The following NEK1 variants were observed in gnomAD, a reference collection of about 807,000 sequenced individuals.
NEK1 encodes NIMA related kinase 1, also known as serine/threonine-protein kinase Nek1.
In NEK1, 137 loss-of-function variants were observed where a neutral mutation model predicts 182.1. The observed-to-expected ratio is 0.75, with a 90% CI of 0.65 to 0.87. NEK1 has a LOEUF of 0.87. NEK1 is among the 40% of genes least tolerant of loss of function. NEK1 has a pLI of 0.00. For synonymous variants in NEK1, 513 were observed against 492.2 expected (o/e 1.04, Z -0.56); for missense variants, 1,391 against 1,494.4 (o/e 0.93, Z 1.14).
At chr4:169,500,195 G>T (rs181066691) in intron 23 of NEK1, among the ~76,000 whole-genome samples, 3 of 152,340 alleles carry the variant, frequency 2.0e-5, no homozygotes, top group Non-Finnish European at 4.4e-5. Flanking sequence ...AGGACCCTCT[G>T]AGCCAGGCGC....
At chr4:169,505,414 T>C (rs560627313) in intron 23 of NEK1, among the ~76,000 whole-genome samples, 105 of 152,346 alleles carry the variant, frequency 6.9e-4, no homozygotes, top group Non-Finnish European at 1.4e-3. Flanking sequence ...ATATATTTTC[T>C]CTTCCTTATG....
chr4:169,483,990 T>C (rs1018375951), intron 23 of NEK1, among the ~76,000 whole-genome samples: 1 of 152,266 alleles, frequency 6.6e-6, no homozygotes. Flanking sequence ...TTAATTACTA[T>C]AGTATATAAA....
chr4:169,465,564 T>C (rs535255784), intron 26 of NEK1, among the ~76,000 whole-genome samples: 64 of 152,190 alleles, frequency 4.2e-4, no homozygotes, highest in South Asian at 1.9e-3. Flanking sequence ...TATAAAGAAA[T>C]TTTAGAGAAA....
chr4:169,506,777 T>A, intron 23 of NEK1: 1 of 171,720 alleles, frequency 5.8e-6, no homozygotes, highest in Non-Finnish European at 1.2e-5. Context: ...TCTCAAAAAA[T>A]AATAATAATA....
chr4:169,560,683 G>C (rs1288476445), intron 16 of NEK1, among the ~76,000 whole-genome samples: 1 of 151,970 alleles, frequency 6.6e-6, no homozygotes, highest in East Asian at 1.9e-4. Flanking sequence ...ATGAATAAAA[G>C]AGGAAGTATA....
At chr4:169,531,734 T>C (rs1366056197) in intron 19 of NEK1, among the ~76,000 whole-genome samples, 1 of 152,148 alleles carries the variant, frequency 6.6e-6, no homozygotes, top group Non-Finnish European at 1.5e-5. Flanking sequence ...CTAGTTCAGT[T>C]ACACATAACG....
At chr4:169,488,698 A>T (rs1749500929) in intron 23 of NEK1, among the ~76,000 whole-genome samples, 1 of 152,190 alleles carries the variant, frequency 6.6e-6, no homozygotes, top group Non-Finnish European at 1.5e-5. Flanking sequence ...TTAATATTTT[A>T]GGGGGCTTAA....
At chr4:169,439,630 G>A (rs763626887) in intron 27 of NEK1, among the ~76,000 whole-genome samples, 2 of 152,100 alleles carry the variant, frequency 1.3e-5, no homozygotes, top group African/African-American at 4.8e-5. Flanking sequence ...GATTGCTTTA[G>A]TGGGTTCTAA....
At chr4:169,600,573 C>G (rs1258592052) in intron 4 of NEK1, among the ~76,000 whole-genome samples, 1 of 152,070 alleles carries the variant, frequency 6.6e-6, no homozygotes, top group Non-Finnish European at 1.5e-5. Flanking sequence ...TTTTGATCTA[C>G]TGTTTGTAAT....
At chr4:169,570,325 T>TCTGAGAAGTGAGGAGCCC (rs1561434759) in intron 12 of NEK1, among the ~76,000 whole-genome samples, 4 of 143,250 alleles carry the variant, frequency 2.8e-5, no homozygotes, top group African/African-American at 1.1e-4. Context: ...GTGAGGAGCG[T>TCTGAGAAGTGAGGAGCCC]CTCCGCCCGG....
intron 10 of NEK1, among the ~76,000 whole-genome samples, chr4:169,581,250 T>C: frequency 6.6e-6 from 1 of 151,794 alleles, no homozygotes; most frequent in South Asian, 2.1e-4. Flanking sequence ...TCCCTCCCAA[T>C]CTTATTTATG....
intron 27 of NEK1, among the ~76,000 whole-genome samples, chr4:169,443,613 T>C (rs1200421656): frequency 6.6e-6 from 1 of 151,998 alleles, no homozygotes; most frequent in East Asian, 1.9e-4. Context: ...AAAATTTCTC[T>C]AACGAAATAA....
At position 169,606,865 on chromosome 4, in the gene NEK1, C is replaced by T. The variant is rs553880809; in HGVS notation, c.-48-4187G>A. Among the ~76,000 whole-genome samples the T allele has an allele frequency of 5.3e-4, 80 of 152,264 alleles. 1 individual carries two copies. Among genetic ancestry groups the T allele is most frequent in the African/African-American group, 1.8e-3 (75 of 41,554 alleles). ...CAATGCATTGAGGGGCTATAATCAC[C>T]GAAAGGTGGAAACATACTAGTGGGT... On this transcript the variant is annotated intron_variant, in intron 2 of 35. Transcript: ENST00000507142.
chr4:169,611,456 C>T lies in NEK1; in HGVS notation c.-49+564G>A, dbSNP rs184569893. ...ATACTGCTGCATCATAAAAAAAGGTCATTAACTTAGATTGGATGCCACTTT... is the reference window on the plus strand; with the variant it reads ...ATACTGCTGCATCATAAAAAAAGGTTATTAACTTAGATTGGATGCCACTTT... On this transcript the variant is annotated intron_variant, in intron 2 of 35. Transcript: ENST00000507142. Among the ~76,000 whole-genome samples the T allele has an allele frequency of 3.0e-3, 464 of 152,280 alleles. 1 individual carries two copies. Among genetic ancestry groups the T allele is most frequent in the Non-Finnish European group, 4.8e-3 (326 of 68,030 alleles).
chr4:169,400,137 G>C (rs1381568948), intron 35 of NEK1, 88 bp downstream of exon 35: 2 of 1,252,224 alleles, frequency 1.6e-6, no homozygotes, highest in South Asian at 2.6e-5. Flanking sequence ...TCACAAAATG[G>C]ATGTGATGTA....
intron 16 of NEK1, among the ~76,000 whole-genome samples, chr4:169,559,024 C>T (rs1029267119): frequency 7.2e-5 from 11 of 152,142 alleles, no homozygotes; most frequent in African/African-American, 2.6e-4. Flanking sequence ...TAGAAACTAA[C>T]ATAGAATTTC....
intron 18 of NEK1, among the ~76,000 whole-genome samples, chr4:169,540,670 A>C (rs1410226511): frequency 6.6e-6 from 1 of 152,142 alleles, no homozygotes; most frequent in East Asian, 1.9e-4. Context: ...TAAAATCAGT[A>C]AAACACTGAC....
At chr4:169,567,395 G>GAA (rs199696036) in intron 12 of NEK1, among the ~76,000 whole-genome samples, 3 of 146,230 alleles carry the variant, frequency 2.1e-5, no homozygotes, top group African/African-American at 8.0e-5. Context: ...AGTTTTAAGT[G>GAA]AAAAAAAAAA....
intron 18 of NEK1, among the ~76,000 whole-genome samples, chr4:169,548,974 G>A (rs747423407): frequency 6.6e-6 from 1 of 152,160 alleles, no homozygotes; most frequent in Non-Finnish European, 1.5e-5. Flanking sequence ...CTAGGGGAGT[G>A]AACAGTTATG....
Sources: gnomAD v4.1 joint callset for allele counts (sites outside exome capture counted in the v4.1 genomes callset) on GRCh38, gnomAD v4.1.1 for gene constraint, MANE v1.5 for transcripts, NCBI Gene and HGNC (gene_info 2026-07-23, HGNC 2026-07-21) for gene names.